ZNF503: variants seen among roughly 807,000 people sequenced by gnomAD.
ZNF503 encodes NocA-like zinc finger 2.
In ZNF503, 15 loss-of-function variants were observed where a neutral mutation model predicts 34.4. The ratio of observed to expected loss-of-function variants is 0.44; its 90% CI spans 0.29 to 0.67. The LOEUF (loss-of-function observed/expected upper bound fraction) is 0.67, where lower values mean the gene tolerates loss of function less well. ZNF503 is among the 30% of genes least tolerant of loss of function. ZNF503 has a pLI of 0.13. For synonymous variants in ZNF503, 580 were observed against 456.8 expected, an observed-to-expected ratio of 1.27 and a Z score of -3.44; for missense variants, 1,007 against 926.8, an observed-to-expected ratio of 1.09 and a Z score of -1.12.
the ZNF503 span, among the ~76,000 whole-genome samples, chr10:75,340,107 A>G: frequency 7.5e-6 from 1 of 133,148 alleles, no homozygotes; most frequent in South Asian, 2.5e-4. Context: ...GCAGCTACTC[A>G]GGACACTGAG....
downstream of ZNF503, among the ~76,000 whole-genome samples, chr10:75,395,473 C>T (rs1843686287): frequency 6.6e-6 from 1 of 152,094 alleles, no homozygotes; most frequent in South Asian, 2.1e-4. The surrounding 1 kb of genome is among the most constrained non-coding windows in gnomAD (Gnocchi z 4.4). Flanking sequence ...TCCTGCTCCG[C>T]CGGGCTCTGC....
At chr10:75,381,507 G>A in the ZNF503 span, among the ~76,000 whole-genome samples, 2 of 152,184 alleles carry the variant, frequency 1.3e-5, no homozygotes, top group Non-Finnish European at 2.9e-5. Context: ...ACAGGCATGA[G>A]CCACTGTGTG....
chr10:75,360,299 A>AT, the ZNF503 span, among the ~76,000 whole-genome samples: 339 of 149,440 alleles, frequency 2.3e-3, 1 homozygote, highest in African/African-American at 7.7e-3. Context: ...GTTTTTTTGT[A>AT]TTTTTTTTAG....
chr10:75,356,998 A>T, the ZNF503 span, among the ~76,000 whole-genome samples: 3 of 152,224 alleles, frequency 2.0e-5, no homozygotes, highest in African/African-American at 7.2e-5. Context: ...AAGAAAAAAC[A>T]GGGTTCCTCA....
the ZNF503 span, among the ~76,000 whole-genome samples, chr10:75,311,920 T>G: frequency 6.6e-6 from 1 of 151,806 alleles, no homozygotes; most frequent in Non-Finnish European, 1.5e-5. Flanking sequence ...TTTTTTTGTA[T>G]TTTTAGTAGA....
rs375571321 is a variant in ZNF503 at position 75,399,889 on chromosome 10, G to T, written c.801C>A (p.Thr267=). Reference sequence around the variant, plus strand: ...GTCCCCCTTCGGCCGAGGCGCCCCCGGTGCCCTTGCCACCGCCGCCCACGT... The same window carrying T: ...GTCCCCCTTCGGCCGAGGCGCCCCCTGTGCCCTTGCCACCGCCGCCCACGT... ...DTDVGGGGKG[T]GGASAEGGPT... is the part of the protein sequence containing the mutation. Residue 267 remains threonine, a synonymous_variant, in exon 2 of 2, where the codon ACC becomes ACA. Coordinates refer to ENST00000372524, the MANE Select transcript of ZNF503 (RefSeq NM_032772.6). 2 of 1,601,664 alleles carry T rather than the reference G, an allele frequency of 1.2e-6. No homozygotes were observed. The highest frequency in any genetic ancestry group is 2.7e-5 in the African/African-American group (2 of 74,722).
chr10:75,327,884 T>C, the ZNF503 span, among the ~76,000 whole-genome samples: 1 of 152,172 alleles, frequency 6.6e-6, no homozygotes, highest in South Asian at 2.1e-4. Flanking sequence ...CTGTTGACCA[T>C]TTGTATGCTG....
At chr10:75,395,388 G>C (rs541191924), downstream of ZNF503, among the ~76,000 whole-genome samples, 1 of 152,310 alleles carries the variant, frequency 6.6e-6, no homozygotes, top group African/African-American at 2.4e-5. This position sits in a 1 kb window ranked among gnomAD's most constrained non-coding sequence, Gnocchi z 4.4. Context: ...AAAGCCACGC[G>C]AAAGTGGAAG....
chr10:75,346,937 C>G, the ZNF503 span, among the ~76,000 whole-genome samples: 7 of 152,220 alleles, frequency 4.6e-5, no homozygotes, highest in South Asian at 1.5e-3. Flanking sequence ...CGTTAGCTGC[C>G]GCGCCTGGCC....
chr10:75,318,020 C>T, the ZNF503 span, among the ~76,000 whole-genome samples: 1 of 151,950 alleles, frequency 6.6e-6, no homozygotes, highest in African/African-American at 2.4e-5. Flanking sequence ...TACATACATA[C>T]ATACATAAAT....
the ZNF503 span, chr10:75,283,285 C>G: frequency 6.6e-6 from 1 of 152,296 alleles, no homozygotes; most frequent in African/African-American, 2.4e-5. Context: ...GGAGGTGTCC[C>G]CCTGTCATGG....
At chr10:75,308,385 G>A in the ZNF503 span, among the ~76,000 whole-genome samples, 1 of 152,162 alleles carries the variant, frequency 6.6e-6, no homozygotes, top group Non-Finnish European at 1.5e-5. Flanking sequence ...TGATGGAGAT[G>A]TACAAAGAGA....
rs958847085 is a variant in ZNF503, at chr10:75,401,431, G to A, written c.-12C>T. 3.1e-5 allele frequency: 47 copies of A among 1,532,224 alleles called. No homozygotes were observed. The highest frequency in any genetic ancestry group is 4.1e-5 in the Non-Finnish European group (47 of 1,144,552). The allele number at this position is 1,532,224 out of a possible 1,614,324, so 94.9% of individuals were successfully genotyped here. On this transcript the variant is annotated 5_prime_UTR_variant, in exon 1 of 2. Coordinates refer to ENST00000372524, the MANE Select transcript of ZNF503 (RefSeq NM_032772.6). ...GGCGCTGTGCTCATGACCCACCCGC[G>A]CGCATGGGAGCAGCGGGGGGGAGGG...
chr10:75,388,553 C>T, the ZNF503 span, among the ~76,000 whole-genome samples: 1 of 152,070 alleles, frequency 6.6e-6, no homozygotes, highest in African/African-American at 2.4e-5. Flanking sequence ...AATAATAGAC[C>T]CTGGAGCCTC....
chr10:75,369,094 G>A, the ZNF503 span, among the ~76,000 whole-genome samples: 2 of 152,032 alleles, frequency 1.3e-5, no homozygotes, highest in African/African-American at 4.8e-5. Context: ...ATTATTAAGT[G>A]GGGGGAAAAA....
chr10:75,346,647 G>T, the ZNF503 span, among the ~76,000 whole-genome samples: 6 of 151,772 alleles, frequency 4.0e-5, no homozygotes, highest in Admixed American at 2.0e-4. Context: ...TTGACCTGTT[G>T]CCCAGGCTGG....
the ZNF503 span, among the ~76,000 whole-genome samples, chr10:75,381,305 C>T: frequency 6.6e-6 from 1 of 152,138 alleles, no homozygotes; most frequent in African/African-American, 2.4e-5. Context: ...GTCACTGCAG[C>T]CTCAACCTCC....
the ZNF503 span, among the ~76,000 whole-genome samples, chr10:75,387,387 T>C: frequency 1.2e-4 from 18 of 152,236 alleles, no homozygotes; most frequent in African/African-American, 3.4e-4. Context: ...GTTTAACCTC[T>C]CTGAGTCTCA....
At chr10:75,345,324 C>T in the ZNF503 span, among the ~76,000 whole-genome samples, 1 of 152,078 alleles carries the variant, frequency 6.6e-6, no homozygotes, top group Non-Finnish European at 1.5e-5. Context: ...GAGTCAGTCT[C>T]TCTAAGACCC....
Sources: allele counts gnomAD v4.1 joint callset (sites outside exome capture counted in the v4.1 genomes callset), GRCh38; gene constraint gnomAD v4.1.1; non-coding constraint Gnocchi (gnomAD v3.1); transcripts MANE v1.5; gene names NCBI Gene and HGNC (gene_info 2026-07-23, HGNC 2026-07-21).